The following CSE1L variants were observed in gnomAD, a reference collection of about 807,000 sequenced individuals.
The protein encoded by CSE1L is exportin-2.
A neutral mutation model predicts 120.4 loss-of-function variants in CSE1L; 24 were observed. The ratio of observed to expected loss-of-function variants is 0.20; its 90% CI spans 0.14 to 0.28. CSE1L has a LOEUF of 0.28. Ranked by LOEUF, CSE1L falls within the 10% of genes least tolerant of loss-of-function variation. The pLI is 1.00. For synonymous variants in CSE1L, 402 were observed against 398.3 expected, an observed-to-expected ratio of 1.01 and a Z score of -0.11; for missense variants, 830 against 1,145.2, an observed-to-expected ratio of 0.72 and a Z score of 3.97.
chr20:49,057,116 A>G (rs1204755086), intron 1 of CSE1L, among the ~76,000 whole-genome samples: 1 of 152,194 alleles, frequency 6.6e-6, no homozygotes, highest in East Asian at 1.9e-4. Flanking sequence ...ACTTGAGTCC[A>G]GGAGTTTGAG....
intron 11 of CSE1L, among the ~76,000 whole-genome samples, chr20:49,075,083 G>C (rs570817368): frequency 6.6e-6 from 1 of 152,064 alleles, no homozygotes; most frequent in African/African-American, 2.4e-5. Flanking sequence ...TCAAAATTCT[G>C]TGATTCTGTG....
chr20:49,074,986 T>G (rs1600612993), intron 11 of CSE1L, 136 bp downstream of exon 11: 10 of 632,346 alleles, frequency 1.6e-5, no homozygotes, highest in East Asian at 1.4e-4. Flanking sequence ...ACTGTTGTCT[T>G]TCTTCAACTT....
At position 49,084,121 on chromosome 20, in the gene CSE1L, T is replaced by C; in HGVS notation, c.1578T>C (p.Leu526=). 4 of 1,614,162 alleles carry C rather than the reference T, an allele frequency of 2.5e-6. No homozygotes were observed. The highest frequency in any genetic ancestry group is 3.4e-6 in the Non-Finnish European group (4 of 1,179,992). The stretch of plus-strand genomic sequence containing the variant: ...TTCATACTTACGCAGCTCATGCTCT[T>C]GAACGGCTCTTTACTATGCGAGGGC... The part of the protein sequence containing the change: ...IVVHTYAAHA[L]ERLFTMRGPN... The change falls in exon 15 of 25, where the codon CTT becomes CTC. Residue 526 remains leucine, a synonymous_variant. Coordinates refer to ENST00000262982, the MANE Select transcript of CSE1L (RefSeq NM_001316.4).
intron 22 of CSE1L, among the ~76,000 whole-genome samples, chr20:49,092,435 GT>G (rs1224942704): frequency 6.6e-6 from 1 of 151,812 alleles, no homozygotes; most frequent in Admixed American, 6.6e-5. Flanking sequence ...TGGAATCATT[GT>G]TCTAATCCTC....
Position 49,089,408 on chromosome 20 carries a change from G to T in CSE1L, c.1972+11G>T. ...AAAATGATGTGCAAGGTAAGTTAAC[G>T]GAAATTATTTTCTTTGTAATGGAAT... On this transcript the variant is annotated intron_variant, in intron 18 of 24. Coordinates refer to ENST00000262982, the MANE Select transcript of CSE1L (RefSeq NM_001316.4). The T allele has an allele frequency of 6.2e-7, 1 of 1,606,686 alleles. No homozygotes were observed. The highest frequency in any genetic ancestry group is 1.7e-5 in the Admixed American group (1 of 57,792).
Position 49,047,564 on chromosome 20 carries a change from C to CTTTTTTTTTTTTTTTTT in CSE1L, c.-12+1153_-12+1169dup, listed in dbSNP as rs59986218. On this transcript the variant is annotated intron_variant, in intron 1 of 24. Coordinates refer to ENST00000262982, the MANE Select transcript of CSE1L (RefSeq NM_001316.4). ...TCTTTTTCTTTTTCTTTTCTCTTTTCTTTTTTTTTTTTTTTTTTTTTTTTT... is the reference window on the plus strand; with the variant it reads ...TCTTTTTCTTTTTCTTTTCTCTTTTCTTTTTTTTTTTTTTTTTTTTTTTTTTTTTTTTTTTTTTTTTT... Among the ~76,000 whole-genome samples, 413 of 69,828 alleles carry CTTTTTTTTTTTTTTTTT rather than the reference C, an allele frequency of 5.9e-3. 78 individuals carry two copies. The highest frequency in any genetic ancestry group is 0.011 in the African/African-American group (146 of 12,968). 45.8% of individuals were successfully genotyped at this position (69,828 alleles called of 152,430 possible). A position where few individuals can be genotyped will look rare whatever the true frequency, so the allele number is the denominator to read the frequency against.
intron 1 of CSE1L, among the ~76,000 whole-genome samples, chr20:49,055,887 T>G (rs1377217007): frequency 6.6e-6 from 1 of 151,918 alleles, no homozygotes; most frequent in East Asian, 1.9e-4. Flanking sequence ...ATATGTGAAG[T>G]TTTTTTTCAT....
intron 15 of CSE1L, among the ~76,000 whole-genome samples, chr20:49,084,695 AC>A (rs1241396238): frequency 2.9e-4 from 44 of 152,212 alleles, no homozygotes; most frequent in African/African-American, 1.0e-3. Flanking sequence ...TCTGGCCTGA[AC>A]CAGGATGAAA....
At chr20:49,069,167 G>C (rs1341818811) in intron 7 of CSE1L, among the ~76,000 whole-genome samples, 1 of 152,050 alleles carries the variant, frequency 6.6e-6, no homozygotes, top group East Asian at 1.9e-4. Flanking sequence ...ATTAACATTT[G>C]GGGAATCATG....
At chr20:49,051,273 C>T (rs1313072551) in intron 1 of CSE1L, among the ~76,000 whole-genome samples, 1 of 152,210 alleles carries the variant, frequency 6.6e-6, no homozygotes, top group Non-Finnish European at 1.5e-5. Flanking sequence ...AGGCCGGGCA[C>T]GGTGGCTCAT....
At chr20:49,086,019 C>A (rs1219016651) in intron 16 of CSE1L, among the ~76,000 whole-genome samples, 1 of 149,974 alleles carries the variant, frequency 6.7e-6, no homozygotes, top group Non-Finnish European at 1.5e-5. Context: ...AATGTGGGTG[C>A]CTGTGGTAGA....
intron 1 of CSE1L, among the ~76,000 whole-genome samples, 182 bp from the exon 2 acceptor site, chr20:49,058,271 T>G (rs563681729): frequency 2.0e-5 from 3 of 152,294 alleles, no homozygotes; most frequent in East Asian, 3.9e-4. Flanking sequence ...CTATTGTTTT[T>G]GGGGGAAAAG....
At chr20:49,074,588 G>A (rs1291256500) in intron 10 of CSE1L, among the ~76,000 whole-genome samples, 197 bp from the exon 11 acceptor site, 1 of 152,114 alleles carries the variant, frequency 6.6e-6, no homozygotes, top group African/African-American at 2.4e-5. Flanking sequence ...ATAGTTGTGT[G>A]AATTACCTAA....
chr20:49,075,827 CTTAT>C (rs1470135355), intron 12 of CSE1L, among the ~76,000 whole-genome samples: 1 of 152,104 alleles, frequency 6.6e-6, no homozygotes, highest in African/African-American at 2.4e-5. Flanking sequence ...TTAGTATAGT[CTTAT>C]TTTACATTTT....
rs923201961 is a variant in CSE1L, at chr20:49,096,790, A to G, written c.*352A>G. On this transcript the variant is annotated 3_prime_UTR_variant, in exon 25 of 25. Coordinates refer to ENST00000262982, the MANE Select transcript of CSE1L (RefSeq NM_001316.4). ...ATCCTTTTGTTTTGAAGCTGTTGCT[A>G]TTTGTATTTCTCTTGTCCTTTATAT... The G allele has an allele frequency of 3.3e-5, 7 of 214,186 alleles. No individual in the cohort carries two copies. Among genetic ancestry groups the G allele is most frequent in the Admixed American group, 2.1e-4 (4 of 18,720 alleles). 13.3% of individuals were successfully genotyped at this position (214,186 alleles called of 1,614,324 possible).
chr20:49,093,188 G>A (rs1294779688), intron 22 of CSE1L, among the ~76,000 whole-genome samples: 1 of 152,210 alleles, frequency 6.6e-6, no homozygotes, highest in Non-Finnish European at 1.5e-5. Flanking sequence ...GGCAGTAGGG[G>A]ATTTTGAGGA....
chr20:49,049,786 T>C (rs1046711368), intron 1 of CSE1L, among the ~76,000 whole-genome samples: 21 of 152,340 alleles, frequency 1.4e-4, no homozygotes, highest in African/African-American at 4.8e-4. Flanking sequence ...GAATAAACTT[T>C]GGAAGGCCAA....
chr20:49,077,551 T>A (rs2091978981), intron 13 of CSE1L, among the ~76,000 whole-genome samples: 1 of 152,134 alleles, frequency 6.6e-6, no homozygotes. Context: ...ATTGCTTGAT[T>A]AGGAGGAAAA....
intron 19 of CSE1L, among the ~76,000 whole-genome samples, chr20:49,089,994 G>GTTGGGACA (rs2092088568): frequency 6.6e-6 from 1 of 152,052 alleles, no homozygotes; most frequent in Non-Finnish European, 1.5e-5. Context: ...ACACAGTGGA[G>GTTGGGACA]CATGCCTGTG....
Sources: allele counts gnomAD v4.1 joint callset (sites outside exome capture counted in the v4.1 genomes callset), GRCh38; gene constraint gnomAD v4.1.1; transcripts MANE v1.5; gene names NCBI Gene and HGNC (gene_info 2026-07-23, HGNC 2026-07-21).